PRSS12: variants seen among roughly 807,000 people sequenced by gnomAD.
The protein encoded by PRSS12 is neurotrypsin.
PRSS12 carries 85 observed loss-of-function variants against 104.4 expected under a neutral mutation model. The observed-to-expected ratio is 0.81, with a 90% CI of 0.68 to 0.98. PRSS12 has a LOEUF of 0.98. Among genes scored for constraint, PRSS12 ranks in the 50% least tolerant of loss-of-function variants. The pLI is 0.00. For synonymous variants in PRSS12, 454 were observed against 425.2 expected, an observed-to-expected ratio of 1.07 and a Z score of -0.83; for missense variants, 1,141 against 1,139.2, an observed-to-expected ratio of 1.00 and a Z score of -0.02.
intron 1 of PRSS12, among the ~76,000 whole-genome samples, chr4:118,340,408 C>A (rs1724170936): frequency 6.6e-6 from 1 of 152,164 alleles, no homozygotes; most frequent in South Asian, 2.1e-4. Flanking sequence ...CCACTCCAGG[C>A]ACAGCCAGCC....
Position 118,352,921 on chromosome 4 carries a change from G to GGCGGCC in PRSS12, c.-207_-202dup. ...CGCGCCTCGGCTCCTGTCCCCTGGC[G>GGCGGCC]GCGGCCGCGGGTGGGGAAATCTGGA... On this transcript the variant is annotated 5_prime_UTR_variant, in exon 1 of 13. Coordinates refer to ENST00000296498, the MANE Select transcript of PRSS12 (RefSeq NM_003619.4). The GGCGGCC allele has an allele frequency of 7.5e-7, 1 of 1,327,020 alleles. No individual in the cohort carries two copies. Among genetic ancestry groups the GGCGGCC allele is most frequent in the Non-Finnish European group, 9.7e-7 (1 of 1,026,820 alleles). The allele number at this position is 1,327,020 out of a possible 1,614,324, so 82.2% of individuals were successfully genotyped here.
At chr4:118,311,973 C>T (rs1198798764) in intron 7 of PRSS12, among the ~76,000 whole-genome samples, 1 of 152,098 alleles carries the variant, frequency 6.6e-6, no homozygotes, top group Non-Finnish European at 1.5e-5. Flanking sequence ...CTCCCTCAAC[C>T]ACATCCACCA....
At chr4:118,350,403 T>C (rs947635346) in intron 1 of PRSS12, among the ~76,000 whole-genome samples, 7 of 152,186 alleles carry the variant, frequency 4.6e-5, no homozygotes, top group Non-Finnish European at 1.0e-4. Context: ...AGCTATAGGT[T>C]ATGCCCAAGC....
intron 4 of PRSS12, among the ~76,000 whole-genome samples, chr4:118,330,211 T>C (rs1472052474): frequency 6.6e-6 from 1 of 152,158 alleles, no homozygotes. Context: ...TGATGTCACT[T>C]AAACCAGTGC....
At chr4:118,348,756 A>G (rs946594253) in intron 1 of PRSS12, among the ~76,000 whole-genome samples, 6 of 151,474 alleles carry the variant, frequency 4.0e-5, no homozygotes, top group Non-Finnish European at 7.4e-5. Flanking sequence ...GGTTCAAGCG[A>G]TTCTCCTGCT....
intron 1 of PRSS12, among the ~76,000 whole-genome samples, chr4:118,347,396 CA>C (rs1389890196): frequency 6.6e-6 from 1 of 152,216 alleles, no homozygotes; most frequent in African/African-American, 2.4e-5. Flanking sequence ...CTATTTCAAT[CA>C]AGAGATTTTG....
At chr4:118,312,040 CA>C (rs1467036533) in intron 7 of PRSS12, among the ~76,000 whole-genome samples, 1 of 151,666 alleles carries the variant, frequency 6.6e-6, no homozygotes, top group Non-Finnish European at 1.5e-5. Context: ...AAAAGGAGAA[CA>C]AAATGAAAAG....
intron 2 of PRSS12, among the ~76,000 whole-genome samples, chr4:118,337,231 A>G (rs949056219): frequency 1.3e-5 from 2 of 152,194 alleles, no homozygotes; most frequent in Non-Finnish European, 2.9e-5. Flanking sequence ...AAATACTTGC[A>G]AACTGCAAAC....
Position 118,281,337 on chromosome 4 carries a change from A to C in PRSS12, c.*599T>G, listed in dbSNP as rs1287999787. ...ACTCAACAAGGATACTTGTTTCCAA[A>C]TATCAGATCACTTTGAGAATATATT... On this transcript the variant is annotated 3_prime_UTR_variant, in exon 13 of 13. Transcript: ENST00000296498. The C allele has an allele frequency of 6.4e-6, 1 of 155,808 alleles. No individual in the cohort carries two copies. Among genetic ancestry groups the C allele is most frequent in the East Asian group, 1.9e-4 (1 of 5,272 alleles). The allele number at this position is 155,808 out of a possible 1,614,324, so 9.7% of individuals were successfully genotyped here.
At chr4:118,295,386 T>G (rs1047349931) in intron 10 of PRSS12, among the ~76,000 whole-genome samples, 6 of 152,248 alleles carry the variant, frequency 3.9e-5, no homozygotes, top group Non-Finnish European at 8.8e-5. Flanking sequence ...GCCTATGCAG[T>G]CTGAAGAAGT....
chr4:118,292,400 T>C (rs773371533), intron 11 of PRSS12, among the ~76,000 whole-genome samples: 23 of 152,196 alleles, frequency 1.5e-4, no homozygotes, highest in Non-Finnish European at 3.4e-4. Flanking sequence ...ACCTGGACTA[T>C]TAACAAGCTA....
At chr4:118,306,927 T>A (rs1409331886) in intron 8 of PRSS12, among the ~76,000 whole-genome samples, 4 of 152,122 alleles carry the variant, frequency 2.6e-5, no homozygotes, top group Non-Finnish European at 5.9e-5. Context: ...CCAAAGGTAA[T>A]ACTAGGTTTC....
chr4:118,289,257 A>G (rs1743080646), intron 11 of PRSS12, among the ~76,000 whole-genome samples: 2 of 152,240 alleles, frequency 1.3e-5, no homozygotes, highest in South Asian at 4.1e-4. Context: ...ATTAAATAAC[A>G]CAAATGGTAA....
intron 1 of PRSS12, 51 bp from the exon 2 acceptor site, chr4:118,338,365 A>G: frequency 6.2e-7 from 1 of 1,606,872 alleles, no homozygotes; most frequent in South Asian, 1.1e-5. Context: ...AATCATTTGA[A>G]CATATTGAGC....
intron 7 of PRSS12, among the ~76,000 whole-genome samples, chr4:118,311,975 C>T (rs1225248862): frequency 6.6e-6 from 1 of 152,130 alleles, no homozygotes; most frequent in Admixed American, 6.5e-5. Context: ...CCCTCAACCA[C>T]ATCCACCACA....
At chr4:118,322,846 C>T (rs1723670086) in intron 4 of PRSS12, among the ~76,000 whole-genome samples, 1 of 151,574 alleles carries the variant, frequency 6.6e-6, no homozygotes, top group African/African-American at 2.4e-5. Flanking sequence ...ACCTGTGCAC[C>T]AAATCAGGTA....
intron 4 of PRSS12, among the ~76,000 whole-genome samples, chr4:118,324,297 A>G (rs922232152): frequency 3.9e-5 from 6 of 152,132 alleles, no homozygotes; most frequent in African/African-American, 1.4e-4. Context: ...GCTCAAGATC[A>G]CTAGTGGTAA....
At chr4:118,299,764 T>TAAATAAAA (rs1473573040) in intron 8 of PRSS12, among the ~76,000 whole-genome samples, 2 of 82,500 alleles carry the variant, frequency 2.4e-5, no homozygotes, top group Non-Finnish European at 4.7e-5. Context: ...ATAAATAAAA[T>TAAATAAAA]TAAATAAAAT....
chr4:118,296,969 G>C (rs1434648908), intron 9 of PRSS12, among the ~76,000 whole-genome samples: 2 of 152,130 alleles, frequency 1.3e-5, no homozygotes, highest in Non-Finnish European at 2.9e-5. Context: ...TTTAAAACAA[G>C]CAAAATTTTA....
Sources: allele counts gnomAD v4.1 joint callset (sites outside exome capture counted in the v4.1 genomes callset), GRCh38; gene constraint gnomAD v4.1.1; transcripts MANE v1.5; gene names NCBI Gene and HGNC (gene_info 2026-07-23, HGNC 2026-07-21).